CAST: variants seen among roughly 807,000 people sequenced by gnomAD.
CAST encodes the protein calpastatin.
CAST carries 76 observed loss-of-function variants against 119.6 expected under a neutral mutation model. That is an observed-to-expected ratio of 0.64 (90% CI 0.53 to 0.77). The LOEUF (loss-of-function observed/expected upper bound fraction) is 0.77. Among genes scored for constraint, CAST ranks in the 30% least tolerant of loss-of-function variants. The pLI, the probability that CAST is intolerant of heterozygous loss-of-function variation, is 0.00. For missense variants in CAST, 953 were observed against 946.5 expected (o/e 1.01, Z -0.09); for synonymous variants, 319 against 331.6 (o/e 0.96, Z 0.41).
chr5:96,737,968 TA>T, intron 11 of CAST, 21 bp downstream of exon 11: 1 of 1,334,214 alleles, frequency 7.5e-7, no homozygotes, highest in Non-Finnish European at 1.1e-6. Flanking sequence ...ATGATATCTG[TA>T]AAAATTCATA....
chr5:96,023,524 T>C, the CAST span, among the ~76,000 whole-genome samples: 1 of 152,162 alleles, frequency 6.6e-6, no homozygotes, highest in Non-Finnish European at 1.5e-5. Flanking sequence ...AGATCTGAGG[T>C]TTCCGGATCT....
chr5:96,236,763 A>G, the CAST span, among the ~76,000 whole-genome samples: 1 of 152,226 alleles, frequency 6.6e-6, no homozygotes, highest in African/African-American at 2.4e-5. Context: ...GGTGGCCTAT[A>G]TGTTATCTGG....
chr5:96,234,360 T>C, the CAST span, among the ~76,000 whole-genome samples: 2 of 152,218 alleles, frequency 1.3e-5, no homozygotes, highest in African/African-American at 4.8e-5. Flanking sequence ...CTACAGCAAT[T>C]GAACATTTTT....
At chr5:96,542,421 T>A (rs1745931140) in intron 1 of CAST, among the ~76,000 whole-genome samples, 1 of 151,922 alleles carries the variant, frequency 6.6e-6, no homozygotes, top group Non-Finnish European at 1.5e-5. Flanking sequence ...GAGTTCATAT[T>A]GTTCCACATC....
At chr5:96,502,627 T>C in the CAST span, among the ~76,000 whole-genome samples, 2 of 67,262 alleles carry the variant, frequency 3.0e-5, no homozygotes, top group African/African-American at 7.2e-5. Flanking sequence ...TTTCTTTCTT[T>C]CTTTCTTTCT....
chr5:96,717,783 G>C (rs76931551), intron 3 of CAST, among the ~76,000 whole-genome samples: 227 of 152,242 alleles, frequency 1.5e-3, no homozygotes, highest in Non-Finnish European at 2.7e-3. Context: ...GATGAGAGAG[G>C]TCAAATAATG....
the CAST span, among the ~76,000 whole-genome samples, chr5:96,378,881 T>C: frequency 1.3e-5 from 2 of 152,154 alleles, no homozygotes; most frequent in African/African-American, 4.8e-5. Context: ...TTTTACCTAA[T>C]GGAGATTACA....
chr5:96,603,963 C>T (rs1315974855), intron 1 of CAST, among the ~76,000 whole-genome samples: 3 of 151,892 alleles, frequency 2.0e-5, no homozygotes, highest in African/African-American at 4.8e-5. Flanking sequence ...CGTGCCCTCC[C>T]TACATTAACC....
the CAST span, among the ~76,000 whole-genome samples, chr5:96,209,020 A>G: frequency 3.9e-5 from 6 of 151,984 alleles, no homozygotes; most frequent in African/African-American, 1.2e-4. Context: ...TTGGGTGCAT[A>G]TATATTTAGG....
chr5:96,548,444 T>C (rs1746057153), intron 1 of CAST, among the ~76,000 whole-genome samples: 2 of 152,264 alleles, frequency 1.3e-5, no homozygotes, highest in African/African-American at 4.8e-5. Context: ...TGTGATCAAT[T>C]AGCTACCACC....
the CAST span, among the ~76,000 whole-genome samples, chr5:96,385,836 A>G: frequency 1.3e-5 from 2 of 152,348 alleles, no homozygotes; most frequent in African/African-American, 4.8e-5. Context: ...ATTGTTTTTA[A>G]GAATAAATAT....
the CAST span, among the ~76,000 whole-genome samples, chr5:96,515,296 C>CCAATATTGGGGAACAA: frequency 0.79 from 112,765 of 142,916 alleles, 42,260 homozygotes; most frequent in South Asian, 0.86. Context: ...ATATTGTTCC[C>CCAATATTGGGGAACAA]ACAATGTTTG....
At chr5:96,196,407 A>T in the CAST span, among the ~76,000 whole-genome samples, 4 of 152,192 alleles carry the variant, frequency 2.6e-5, no homozygotes, top group Non-Finnish European at 1.5e-5. Context: ...CCAGGCACAA[A>T]ATACTAAGTG....
At chr5:96,491,469 G>C in the CAST span, among the ~76,000 whole-genome samples, 106,186 of 127,830 alleles carry the variant, frequency 0.83, 45,053 homozygotes, top group Non-Finnish European at 0.93. Flanking sequence ...CCAGCCTGGG[G>C]GACAGAGCGA....
At chr5:95,990,485 T>C in the CAST span, among the ~76,000 whole-genome samples, 2 of 152,024 alleles carry the variant, frequency 1.3e-5, no homozygotes, top group African/African-American at 4.8e-5. Flanking sequence ...CTTGGCTTAC[T>C]ATTGAAAAAT....
chr5:96,493,031 A>G, the CAST span, among the ~76,000 whole-genome samples: 2 of 152,254 alleles, frequency 1.3e-5, no homozygotes, highest in African/African-American at 2.4e-5. Context: ...TAAAAGGTCA[A>G]TACAGTAAAG....
chr5:95,992,783 G>T, the CAST span, among the ~76,000 whole-genome samples: 1 of 151,826 alleles, frequency 6.6e-6, no homozygotes, highest in African/African-American at 2.4e-5. Context: ...CTGGGTGAGG[G>T]GTATGTGAGA....
chr5:96,603,539 A>G (rs1440281493), intron 1 of CAST, among the ~76,000 whole-genome samples: 1 of 152,146 alleles, frequency 6.6e-6, no homozygotes, highest in East Asian at 1.9e-4. Flanking sequence ...TTCAGGGGCA[A>G]TAACACCCAC....
Position 96,770,524 on chromosome 5 carries a change from G to C in CAST, c.2269-7G>C, listed in dbSNP as rs375436558. On this transcript the variant is annotated splice_polypyrimidine_tract_variant and splice_region_variant and intron_variant, in intron 29 of 31. Transcript: ENST00000675179. ...GCCATAGCCTCATTACATTTCCTTT[G>C]CTTTAGGATAAGTGCAAGAAGGCTG... The C allele has an allele frequency of 1.9e-6, 3 of 1,605,206 alleles. No homozygotes were observed. Among genetic ancestry groups the C allele is most frequent in the Non-Finnish European group, 1.7e-6 (2 of 1,172,340 alleles).
Sources: gnomAD v4.1 joint callset for allele counts (sites outside exome capture counted in the v4.1 genomes callset) on GRCh38, gnomAD v4.1.1 for gene constraint, MANE v1.5 for transcripts, NCBI Gene and HGNC (gene_info 2026-07-23, HGNC 2026-07-21) for gene names.